The following IL19 variants were observed in gnomAD, a reference collection of about 807,000 sequenced individuals.
IL19 encodes interleukin-19.
In IL19, 15 loss-of-function variants were observed where a neutral mutation model predicts 19.5. The ratio of observed to expected loss-of-function variants is 0.77; its 90% CI spans 0.52 to 1.19. The LOEUF is 1.19. Among genes scored for constraint, IL19 ranks in the 50% most tolerant of loss-of-function variants. The pLI, the probability that IL19 is intolerant of heterozygous loss-of-function variation, is 0.00. For missense variants in IL19, 199 were observed against 213.1 expected (o/e 0.93, Z 0.41); for synonymous variants, 78 against 78.3 (o/e 1.00, Z 0.02).
chr1:206,813,704 T>C (rs1490337519), intron 2 of IL19, among the ~76,000 whole-genome samples: 2 of 152,224 alleles, frequency 1.3e-5, no homozygotes, highest in Non-Finnish European at 2.9e-5. Context: ...TTTTAGTTAC[T>C]GTGGTTGTTA....
chr1:206,814,724 A>G (rs974466885), intron 2 of IL19, among the ~76,000 whole-genome samples: 5 of 148,028 alleles, frequency 3.4e-5, no homozygotes, highest in Non-Finnish European at 5.9e-5. Flanking sequence ...ACACACACAC[A>G]CAATTCACTT....
intron 1 of IL19, among the ~76,000 whole-genome samples, chr1:206,789,176 A>G (rs1558608272): frequency 6.6e-6 from 1 of 152,248 alleles, no homozygotes; most frequent in Non-Finnish European, 1.5e-5. Context: ...CTGGCATTCC[A>G]TGAAGGTTGC....
intron 1 of IL19, among the ~76,000 whole-genome samples, chr1:206,789,953 A>G (rs1477513313): frequency 6.6e-6 from 1 of 152,184 alleles, no homozygotes; most frequent in Non-Finnish European, 1.5e-5. Context: ...GGTTAGTTCC[A>G]TATCTTTCCA....
chr1:206,797,806 G>C (rs1460847578), intron 1 of IL19, among the ~76,000 whole-genome samples: 2 of 152,188 alleles, frequency 1.3e-5, no homozygotes, highest in African/African-American at 4.8e-5. Context: ...GTGGTTGGCA[G>C]GAAGTGCCAC....
At chr1:206,784,863 C>T in intron 1 of IL19, among the ~76,000 whole-genome samples, 1 of 152,274 alleles carries the variant, frequency 6.6e-6, no homozygotes, top group Non-Finnish European at 1.5e-5. Flanking sequence ...CTGCGCGACG[C>T]AGGCCTATGC....
intron 2 of IL19, among the ~76,000 whole-genome samples, chr1:206,835,871 T>C (rs920845642): frequency 6.6e-6 from 1 of 152,156 alleles, no homozygotes; most frequent in Non-Finnish European, 1.5e-5. Flanking sequence ...TACAAAGTGG[T>C]TAAATGAAGA....
At chr1:206,830,724 A>G (rs7518426) in intron 2 of IL19, among the ~76,000 whole-genome samples, 140,097 of 152,080 alleles carry the variant, frequency 0.92, 64,653 homozygotes, top group Non-Finnish European at 0.95. Flanking sequence ...AATTACAGGT[A>G]CTGCCACCAC....
intron 2 of IL19, among the ~76,000 whole-genome samples, chr1:206,821,956 C>A (rs1384038787): frequency 6.6e-6 from 1 of 152,186 alleles, no homozygotes; most frequent in Non-Finnish European, 1.5e-5. Flanking sequence ...TCTTGCCCTG[C>A]CTTTCTGGGG....
chr1:206,792,518 A>G (rs927383204), intron 1 of IL19, among the ~76,000 whole-genome samples: 1 of 151,846 alleles, frequency 6.6e-6, no homozygotes, highest in African/African-American at 2.4e-5. Context: ...GTGGAATTGC[A>G]TGATCTTGGC....
chr1:206,839,207 C>G (rs951760400), intron 4 of IL19, among the ~76,000 whole-genome samples: 1 of 152,176 alleles, frequency 6.6e-6, no homozygotes, highest in African/African-American at 2.4e-5. Flanking sequence ...GCAGACCTAC[C>G]CAAATATGCC....
intron 2 of IL19, among the ~76,000 whole-genome samples, chr1:206,826,723 C>T (rs1031441466): frequency 1.3e-5 from 2 of 152,220 alleles, no homozygotes; most frequent in African/African-American, 4.8e-5. Flanking sequence ...CCGATTTCCA[C>T]AGAATTAGAG....
intron 2 of IL19, among the ~76,000 whole-genome samples, chr1:206,827,383 A>G (rs2102478848): frequency 6.6e-6 from 1 of 152,024 alleles, no homozygotes; most frequent in Admixed American, 6.6e-5. Flanking sequence ...TTTGAATTCA[A>G]TTTTCAAATT....
At chr1:206,830,913 C>T (rs1484820774) in intron 2 of IL19, among the ~76,000 whole-genome samples, 1 of 152,182 alleles carries the variant, frequency 6.6e-6, no homozygotes, top group Non-Finnish European at 1.5e-5. Flanking sequence ...CTCAGTCATA[C>T]TTCTTCGTGT....
At chr1:206,771,320 C>A in intron 1 of IL19, 1 of 1,581,812 alleles carries the variant, frequency 6.3e-7, no homozygotes, top group Non-Finnish European at 8.7e-7. Flanking sequence ...CTTAATCATG[C>A]TGCACACTCC....
At chr1:206,810,646 T>C (rs1675981101) in intron 2 of IL19, among the ~76,000 whole-genome samples, 1 of 152,200 alleles carries the variant, frequency 6.6e-6, no homozygotes, top group Non-Finnish European at 1.5e-5. Context: ...GAGACTCCCA[T>C]ATAGCAGAGG....
intron 2 of IL19, among the ~76,000 whole-genome samples, chr1:206,825,518 A>G (rs980396850): frequency 6.6e-6 from 1 of 152,222 alleles, no homozygotes; most frequent in Admixed American, 6.5e-5. Flanking sequence ...AAAAGACTGT[A>G]ATTCAACTCT....
chr1:206,833,592 G>A, intron 2 of IL19: 1 of 843,502 alleles, frequency 1.2e-6, no homozygotes, highest in Non-Finnish European at 1.4e-6. Context: ...GATCCCTAGA[G>A]AACTTCTTGG....
At chr1:206,772,175 G>C in intron 1 of IL19, 1 of 1,050,206 alleles carries the variant, frequency 9.5e-7, no homozygotes, top group Admixed American at 1.8e-5. Context: ...GGGGATGGAG[G>C]TGGAGGCGCA....
chr1:206,827,707 AAAC>A (rs1367529060), intron 2 of IL19, among the ~76,000 whole-genome samples: 192 of 30,904 alleles, frequency 6.2e-3, no homozygotes, highest in Middle Eastern at 0.012. Context: ...AAACAAAACA[AAAC>A]AAAAAAAACA....
Sources: allele counts gnomAD v4.1 joint callset (sites outside exome capture counted in the v4.1 genomes callset), GRCh38; gene constraint gnomAD v4.1.1; transcripts MANE v1.5; gene names NCBI Gene and HGNC (gene_info 2026-07-23, HGNC 2026-07-21).